Variants in PBX1 observed in about 807,000 individuals in gnomAD.
PBX1 encodes pre-B-cell leukemia transcription factor 1.
Under a neutral mutation model 53.4 loss-of-function variants are expected in PBX1, and 6 were observed. That is an observed-to-expected ratio of 0.11 (90% CI 0.06 to 0.22). The LOEUF (loss-of-function observed/expected upper bound fraction) is 0.22. PBX1 is among the 10% of genes least tolerant of loss of function. PBX1 has a pLI of 1.00. For missense variants in PBX1, 251 were observed against 551.4 expected (o/e 0.46, Z 5.46); for synonymous variants, 204 against 212.3 (o/e 0.96, Z 0.34).
At position 164,804,450 on chromosome 1, in the gene PBX1, A is replaced by G. The variant is rs141685543; in HGVS notation, c.702-3092A>G. The stretch of plus-strand genomic sequence containing the variant: ...TAAATTTAAGTTAACTAAATACTAA[A>G]TTAAAATAAATAAACATTTAAAAAT... On this transcript the variant is annotated intron_variant, in intron 4 of 8. Transcript: ENST00000420696. Among the ~76,000 whole-genome samples, 17 of 152,356 alleles carry G rather than the reference A, an allele frequency of 1.1e-4. 3 individuals are homozygous for G. The East Asian group carries it at 3.3e-3, about 29-fold the overall frequency.
intron 2 of PBX1, among the ~76,000 whole-genome samples, chr1:164,699,650 G>A (rs1392329831): frequency 2.6e-5 from 4 of 152,144 alleles, no homozygotes; most frequent in Non-Finnish European, 5.9e-5. Context: ...AGAGGACGGA[G>A]GGGAAATCAC....
chr1:164,879,844 T>A (rs924364612), intron 2 of PBX1, among the ~76,000 whole-genome samples: 3 of 152,134 alleles, frequency 2.0e-5, no homozygotes, highest in Non-Finnish European at 4.4e-5. Flanking sequence ...TAATCCGTAT[T>A]CCATTGAAAT....
intron 2 of PBX1, among the ~76,000 whole-genome samples, chr1:164,566,350 C>G (rs1653433386): frequency 6.6e-6 from 1 of 152,062 alleles, no homozygotes; most frequent in Admixed American, 6.6e-5. Context: ...AAAATAAATG[C>G]TAAGAAGAAG....
At chr1:164,767,671 G>C (rs61802572) in intron 2 of PBX1, among the ~76,000 whole-genome samples, 17 of 151,974 alleles carry the variant, frequency 1.1e-4, no homozygotes, top group African/African-American at 3.9e-4. Context: ...AAAAAAAAAG[G>C]CTTTCTGTAC....
intron 2 of PBX1, among the ~76,000 whole-genome samples, chr1:164,672,700 G>A (rs1368879840): frequency 2.0e-5 from 3 of 152,200 alleles, no homozygotes; most frequent in African/African-American, 7.2e-5. Context: ...TCACATAAAT[G>A]TGTAGCGGCG....
rs78786833 is a variant in PBX1 at position 164,779,739 on chromosome 1, G to A, written c.266-12755G>A. ...ATGGAAATACGGATGGCTTGCTAGG[G>A]GCTGTCCCATACAACCAGAGTGGGG... On this transcript the variant is annotated intron_variant, in intron 2 of 8. Coordinates refer to ENST00000420696, the MANE Select transcript of PBX1 (RefSeq NM_002585.4). 3.1e-3 allele frequency among the ~76,000 whole-genome samples: 477 copies of A among 152,238 alleles called. 8 individuals carry two copies. The East Asian group carries it at 0.052, about 17-fold the overall frequency.
At chr1:164,754,013 G>A (rs1233002698) in intron 2 of PBX1, among the ~76,000 whole-genome samples, 10 of 152,150 alleles carry the variant, frequency 6.6e-5, no homozygotes, top group Admixed American at 3.9e-4. Flanking sequence ...GAGGAGCAGC[G>A]TGTTCCCTTG....
chr1:164,867,861 T>C (rs1488484986), intron 2 of PBX1, among the ~76,000 whole-genome samples: 1 of 152,228 alleles, frequency 6.6e-6, no homozygotes, highest in Non-Finnish European at 1.5e-5. Context: ...GGAAATTAAC[T>C]GTATCTGGCT....
In PBX1 at chr1:164,739,223, G is replaced by T. The variant is rs573295464; in HGVS notation, c.266-53271G>T. Among the ~76,000 whole-genome samples, 37 of 152,232 alleles carry T rather than the reference G, an allele frequency of 2.4e-4. No homozygotes were observed. In the South Asian group the frequency reaches 7.7e-3, roughly 32 times the overall value. On this transcript the variant is annotated intron_variant, in intron 2 of 8. Coordinates refer to ENST00000420696, the MANE Select transcript of PBX1 (RefSeq NM_002585.4). ...GCAAACCAATCATAGACGTACACTC[G>T]CCTGCGATCCAGTATATGTGTTTCT...
At chr1:164,617,574 C>T (rs965340134) in intron 2 of PBX1, among the ~76,000 whole-genome samples, 10 of 152,232 alleles carry the variant, frequency 6.6e-5, no homozygotes, top group East Asian at 1.9e-4. Flanking sequence ...ACAGGGCTTC[C>T]CCGAGGTTTA....
At chr1:164,721,084 C>T (rs966492275) in intron 2 of PBX1, among the ~76,000 whole-genome samples, 1 of 152,156 alleles carries the variant, frequency 6.6e-6, no homozygotes, top group Non-Finnish European at 1.5e-5. Context: ...GATAAGTGTA[C>T]GTGTCTATAA....
At chr1:164,739,089 G>T (rs1475246452) in intron 2 of PBX1, among the ~76,000 whole-genome samples, 1 of 152,186 alleles carries the variant, frequency 6.6e-6, no homozygotes, top group Non-Finnish European at 1.5e-5. Context: ...TGTGTGTTCA[G>T]TACATTCTTG....
At chr1:164,880,979 C>G (rs925493138) in intron 2 of PBX1, among the ~76,000 whole-genome samples, 2 of 152,218 alleles carry the variant, frequency 1.3e-5, no homozygotes, top group East Asian at 1.9e-4. Flanking sequence ...TGACTAGGAG[C>G]GGGACCTAGT....
chr1:164,673,757 G>A (rs116949572), intron 2 of PBX1, among the ~76,000 whole-genome samples: 2,449 of 152,264 alleles, frequency 0.016, 48 homozygotes, highest in South Asian at 0.056. Context: ...TCAACTAGAT[G>A]AAACTTTTAT....
chr1:164,822,278 G>A (rs577011896), intron 8 of PBX1, among the ~76,000 whole-genome samples: 18 of 152,160 alleles, frequency 1.2e-4, no homozygotes, highest in East Asian at 9.7e-4. Flanking sequence ...CAGATCAATC[G>A]TCTGCTTTCT....
intron 2 of PBX1, among the ~76,000 whole-genome samples, chr1:164,790,948 T>C (rs1355612768): frequency 6.6e-6 from 1 of 151,376 alleles, no homozygotes; most frequent in East Asian, 1.9e-4. Flanking sequence ...GCTCACCAGA[T>C]GCACTCTGCC....
chr1:164,819,450 A>G (rs1272366522), intron 6 of PBX1: 1 of 152,074 alleles, frequency 6.6e-6, no homozygotes, highest in African/African-American at 2.4e-5. Flanking sequence ...ATATTCTTAC[A>G]GTCCTCAAGG....
chr1:164,573,636 C>T (rs953064974), intron 2 of PBX1, among the ~76,000 whole-genome samples: 10 of 151,878 alleles, frequency 6.6e-5, no homozygotes, highest in Non-Finnish European at 1.2e-4. Flanking sequence ...GGATTACAGG[C>T]GCCTGCCACT....
rs80263325 is a variant in PBX1 at position 164,863,007 on chromosome 1, C to A, written n.257+31524C>A. Among the ~76,000 whole-genome samples, 22 of 152,302 alleles carry A rather than the reference C, an allele frequency of 1.4e-4. No individual in the cohort carries two copies. The East Asian group carries it at 4.1e-3, about 28-fold the overall frequency. ...TTTTCATTGAATTGCTCCTCTTTTG[C>A]TAATGCTCTGTCTTCCCCAAGTCCC... On this transcript the variant is annotated intron_variant and non_coding_transcript_variant, in intron 2 of 2. Coordinates refer to the PBX1 transcript ENST00000558796.
Sources: allele counts gnomAD v4.1 joint callset (sites outside exome capture counted in the v4.1 genomes callset), GRCh38; gene constraint gnomAD v4.1.1; transcripts MANE v1.5; gene names NCBI Gene and HGNC (gene_info 2026-07-23, HGNC 2026-07-21).